Variants in CNTNAP2 observed in about 807,000 individuals in gnomAD.
The protein encoded by CNTNAP2 is contactin-associated protein-like 2.
A neutral mutation model predicts 155.2 loss-of-function variants in CNTNAP2; 98 were observed. The ratio of observed to expected loss-of-function variants is 0.63; its 90% CI spans 0.54 to 0.75. CNTNAP2 has a LOEUF of 0.75. Ranked by LOEUF, CNTNAP2 falls within the 30% of genes least tolerant of loss-of-function variation. The pLI, the probability that CNTNAP2 is intolerant of heterozygous loss-of-function variation, is 0.00. For missense variants in CNTNAP2, 1,727 were observed against 1,688.1 expected (o/e 1.02, Z -0.40); for synonymous variants, 651 against 631.2 (o/e 1.03, Z -0.47).
chr7:146,836,676 C>A (rs528094648), intron 2 of CNTNAP2, among the ~76,000 whole-genome samples: 1 of 152,130 alleles, frequency 6.6e-6, no homozygotes, highest in African/African-American at 2.4e-5. Flanking sequence ...AAAACATGAA[C>A]AAATATTTTA....
intron 1 of CNTNAP2, among the ~76,000 whole-genome samples, chr7:146,126,940 G>C (rs1379580222): frequency 6.6e-6 from 1 of 152,026 alleles, no homozygotes; most frequent in African/African-American, 2.4e-5. Flanking sequence ...GTAGCCTCCT[G>C]GTATGTCTCC....
At position 148,416,409 on chromosome 7, in the gene CNTNAP2, T is replaced by C. The variant is rs1799990657; in HGVS notation, c.*793T>C. 6.6e-6 allele frequency: 1 copy of C among 152,166 alleles called. No individual in the cohort carries two copies. The highest frequency in any genetic ancestry group is 2.1e-4 in the South Asian group (1 of 4,834). The allele number at this position is 152,166 out of a possible 1,614,324, so 9.4% of individuals were successfully genotyped here. ...GTAACTATCAGCTGCAATACCATGG[T>C]GACCAGCTGTTACAAAAGATTTTTT... On this transcript the variant is annotated 3_prime_UTR_variant, in exon 24 of 24. Transcript: ENST00000361727.
At chr7:148,157,696 G>A (rs553636066) in intron 17 of CNTNAP2, among the ~76,000 whole-genome samples, 9 of 152,196 alleles carry the variant, frequency 5.9e-5, no homozygotes, top group Non-Finnish European at 1.0e-4. Flanking sequence ...CCTGTTTGGC[G>A]GTAGCTGTGA....
At chr7:147,041,495 A>G (rs1248958616) in intron 3 of CNTNAP2, among the ~76,000 whole-genome samples, 4 of 152,192 alleles carry the variant, frequency 2.6e-5, no homozygotes, top group African/African-American at 9.6e-5. Context: ...CTATTCTTCA[A>G]TATATCCTAG....
intron 22 of CNTNAP2, among the ~76,000 whole-genome samples, chr7:148,395,919 C>T (rs886766741): frequency 1.3e-5 from 2 of 152,200 alleles, no homozygotes; most frequent in African/African-American, 2.4e-5. Context: ...TAATTTTCCT[C>T]TACCTTTCTT....
chr7:146,376,947 G>T (rs1795312078), intron 1 of CNTNAP2, among the ~76,000 whole-genome samples: 12 of 152,080 alleles, frequency 7.9e-5, no homozygotes. Context: ...CCAGAGACTG[G>T]GTTCTCCCCA....
rs557173730 is a variant in CNTNAP2 at position 147,496,644 on chromosome 7, T to G, written c.1777+10603T>G. The G allele has an allele frequency of 1.1e-4, 16 of 152,344 alleles. No individual in the cohort carries two copies. The South Asian group carries it at 2.9e-3, about 28-fold the overall frequency. 9.4% of individuals were successfully genotyped at this position (152,344 alleles called of 1,614,324 possible). On this transcript the variant is annotated intron_variant, in intron 11 of 23. Coordinates refer to ENST00000361727, the MANE Select transcript of CNTNAP2 (RefSeq NM_014141.6). ...AGGAGCGGTCCAGCTGTGACTCAGCTGCATCAAATTTATGTCTTCTGAAAT... is the reference window on the plus strand; with the variant it reads ...AGGAGCGGTCCAGCTGTGACTCAGCGGCATCAAATTTATGTCTTCTGAAAT...
At chr7:147,750,294 T>C (rs57272992) in intron 13 of CNTNAP2, among the ~76,000 whole-genome samples, 1,672 of 152,340 alleles carry the variant, frequency 0.011, 95 homozygotes, top group Admixed American at 0.087. Context: ...AGCTATCAAA[T>C]AGCATGGCTA....
At chr7:146,903,402 A>G (rs912170112) in intron 3 of CNTNAP2, among the ~76,000 whole-genome samples, 1 of 152,200 alleles carries the variant, frequency 6.6e-6, no homozygotes. Context: ...TTTCATTTGC[A>G]TGTAATAAGC....
chr7:147,635,701 G>A (rs969854567), intron 12 of CNTNAP2, among the ~76,000 whole-genome samples: 4 of 152,272 alleles, frequency 2.6e-5, no homozygotes, highest in Non-Finnish European at 5.9e-5. Context: ...AGTTAATGAA[G>A]TTGTGTAAGA....
chr7:148,213,400 G>A (rs1233702351), intron 18 of CNTNAP2, among the ~76,000 whole-genome samples: 12 of 152,108 alleles, frequency 7.9e-5, no homozygotes, highest in Admixed American at 7.2e-4. Flanking sequence ...CCGGTGACAC[G>A]CTGCACCTGT....
intron 12 of CNTNAP2, among the ~76,000 whole-genome samples, chr7:147,594,525 T>C (rs1800793678): frequency 6.6e-6 from 1 of 152,206 alleles, no homozygotes; most frequent in Non-Finnish European, 1.5e-5. Flanking sequence ...TAAAGATTTC[T>C]AAGTCATGCT....
At chr7:147,493,749 A>G (rs1303635656) in intron 11 of CNTNAP2, among the ~76,000 whole-genome samples, 1 of 152,188 alleles carries the variant, frequency 6.6e-6, no homozygotes, top group Non-Finnish European at 1.5e-5. Flanking sequence ...CAAAATATGG[A>G]TACATGTAGA....
chr7:148,146,234 G>A (rs144294941), intron 16 of CNTNAP2, among the ~76,000 whole-genome samples: 422 of 152,224 alleles, frequency 2.8e-3, no homozygotes, highest in African/African-American at 9.5e-3. Flanking sequence ...ATGGACAGAG[G>A]GGCTGAATAT....
At chr7:146,704,495 C>T (rs145848535) in intron 1 of CNTNAP2, among the ~76,000 whole-genome samples, 21 of 152,202 alleles carry the variant, frequency 1.4e-4, no homozygotes, top group Middle Eastern at 3.4e-3. Flanking sequence ...AAGTGACTCA[C>T]GCGAAGTCAG....
chr7:146,642,858 G>T (rs36199216), intron 1 of CNTNAP2, among the ~76,000 whole-genome samples: 5 of 151,594 alleles, frequency 3.3e-5, no homozygotes, highest in Non-Finnish European at 5.9e-5. Flanking sequence ...ATTCTAACTG[G>T]TGTGAGATGG....
chr7:148,148,684 G>A (rs1381903781), intron 17 of CNTNAP2, among the ~76,000 whole-genome samples: 1 of 152,238 alleles, frequency 6.6e-6, no homozygotes, highest in East Asian at 1.9e-4. Flanking sequence ...AGTCCCCACA[G>A]TGTCTTTCAT....
chr7:147,630,428 A>G (rs1795066897), intron 12 of CNTNAP2, among the ~76,000 whole-genome samples: 1 of 152,068 alleles, frequency 6.6e-6, no homozygotes, highest in African/African-American at 2.4e-5. Context: ...TACTGAAACT[A>G]TTCCAAAAGA....
At chr7:146,294,667 A>G (rs886888120) in intron 1 of CNTNAP2, among the ~76,000 whole-genome samples, 1 of 152,220 alleles carries the variant, frequency 6.6e-6, no homozygotes, top group Non-Finnish European at 1.5e-5. Context: ...GTTTACCACT[A>G]TAGACTTTTA....
Sources: allele counts gnomAD v4.1 joint callset (sites outside exome capture counted in the v4.1 genomes callset), GRCh38; gene constraint gnomAD v4.1.1; transcripts MANE v1.5; gene names NCBI Gene and HGNC (gene_info 2026-07-23, HGNC 2026-07-21).